The following HLCS variants were observed in gnomAD, a reference collection of about 807,000 sequenced individuals.
HLCS encodes the protein biotin--protein ligase.
In HLCS, 53 loss-of-function variants were observed where a neutral mutation model predicts 75.0. The ratio of observed to expected loss-of-function variants is 0.71; its 90% CI spans 0.57 to 0.89. The LOEUF is 0.89. HLCS is among the 40% of genes least tolerant of loss of function. The probability of loss-of-function intolerance (pLI) is 0.00; values close to 1 mark genes in which losing one functional copy is unlikely to be tolerated. For synonymous variants in HLCS, 431 were observed against 428.6 expected (o/e 1.01, Z -0.07); for missense variants, 966 against 1,074.0 (o/e 0.90, Z 1.41).
chr21:36,785,603 GATATACTACA>G (rs1569006024), intron 6 of HLCS, among the ~76,000 whole-genome samples: 1 of 152,132 alleles, frequency 6.6e-6, no homozygotes, highest in Non-Finnish European at 1.5e-5. Flanking sequence ...AGGTTTCCCA[GATATACTACA>G]ATATCATCCA....
chr21:36,942,864 A>G (rs1471509436), intron 2 of HLCS, among the ~76,000 whole-genome samples: 5 of 152,028 alleles, frequency 3.3e-5, no homozygotes, highest in Non-Finnish European at 7.4e-5. Context: ...CCGGAGGCAG[A>G]GCTTGCAGTG....
At chr21:36,825,767 A>G (rs1293741851) in intron 6 of HLCS, among the ~76,000 whole-genome samples, 1 of 152,198 alleles carries the variant, frequency 6.6e-6, no homozygotes, top group African/African-American at 2.4e-5. Context: ...CTGGGGATAC[A>G]GCTTCTAGAC....
At chr21:36,959,496 T>A (rs865911383) in intron 2 of HLCS, among the ~76,000 whole-genome samples, 5 of 151,934 alleles carry the variant, frequency 3.3e-5, no homozygotes, top group South Asian at 2.1e-4. Flanking sequence ...AAGGGGCGGG[T>A]CCCTGGTGAC....
chr21:36,923,702 A>G (rs11909766), intron 5 of HLCS, among the ~76,000 whole-genome samples: 17,603 of 152,272 alleles, frequency 0.12, 1,324 homozygotes, highest in Non-Finnish European at 0.17. Flanking sequence ...GTAGCTGAAA[A>G]GCCTTCTTCC....
intron 5 of HLCS, among the ~76,000 whole-genome samples, chr21:36,909,885 A>C (rs2065626367): frequency 6.6e-6 from 1 of 152,234 alleles, no homozygotes; most frequent in African/African-American, 2.4e-5. Context: ...AGAAACACCA[A>C]ATAATTGATC....
intron 6 of HLCS, among the ~76,000 whole-genome samples, chr21:36,808,890 A>G (rs1007046584): frequency 3.3e-5 from 5 of 152,060 alleles, no homozygotes; most frequent in African/African-American, 7.2e-5. Context: ...TTTCCCTTCA[A>G]TCTTAGAAGG....
intron 6 of HLCS, among the ~76,000 whole-genome samples, chr21:36,797,339 T>C (rs1049457865): frequency 6.6e-6 from 1 of 152,068 alleles, no homozygotes; most frequent in Non-Finnish European, 1.5e-5. Context: ...CACAGTTGTT[T>C]TAATAGCATT....
intron 2 of HLCS, among the ~76,000 whole-genome samples, chr21:36,952,400 A>G (rs1235354660): frequency 6.6e-6 from 1 of 152,210 alleles, no homozygotes; most frequent in Non-Finnish European, 1.5e-5. Flanking sequence ...TCCTGGTTGC[A>G]AGACCCACTG....
At chr21:36,805,542 C>T (rs1176833179) in intron 6 of HLCS, among the ~76,000 whole-genome samples, 2 of 152,238 alleles carry the variant, frequency 1.3e-5, no homozygotes, top group African/African-American at 4.8e-5. Context: ...ACCTTCTGCA[C>T]TTGTTCATGA....
rs112090090 is a variant in HLCS at position 36,942,512 on chromosome 21, C to T, written c.331-3518G>A. ...TGGATCAAAGACCTCAATATAAGAG[C>T]TAAAACTACAAAATTCAGAGAAGGA... On this transcript the variant is annotated intron_variant, in intron 2 of 10. Transcript: ENST00000674895. Among the ~76,000 whole-genome samples, 288 of 151,218 alleles carry T rather than the reference C, an allele frequency of 1.9e-3. 3 individuals carry two copies. The highest frequency in any genetic ancestry group is 6.8e-3 in the African/African-American group (278 of 41,158).
Position 36,750,521 on chromosome 21 carries a change from G to A in HLCS, c.*3725C>T, listed in dbSNP as rs1306920200. Among the ~76,000 whole-genome samples, 1 of 152,126 alleles carries A rather than the reference G, an allele frequency of 6.6e-6. No individual in the cohort carries two copies. The highest frequency in any genetic ancestry group is 2.4e-5 in the African/African-American group (1 of 41,410). On this transcript the variant is annotated 3_prime_UTR_variant, in exon 11 of 11. Coordinates refer to ENST00000674895, the MANE Select transcript of HLCS (RefSeq NM_001352514.2). ...TCCTTTTAAAAGTCCTATCAGCCCT[G>A]CCTTCGTCCCTTCCGCCCTAAGCCC...
intron 6 of HLCS, among the ~76,000 whole-genome samples, chr21:36,806,939 T>A (rs2061378496): frequency 6.6e-6 from 1 of 152,202 alleles, no homozygotes; most frequent in Admixed American, 6.5e-5. Context: ...GCCTCCACTT[T>A]GTCCCTTCCC....
intron 6 of HLCS, among the ~76,000 whole-genome samples, chr21:36,860,286 G>T (rs2063338645): frequency 6.6e-6 from 1 of 151,736 alleles, no homozygotes. Flanking sequence ...GGCGGGGCGG[G>T]ACTCAAGCCA....
chr21:36,970,950 C>T (rs145868887), upstream of HLCS, among the ~76,000 whole-genome samples: 1,000 of 150,126 alleles, frequency 6.7e-3, 28 homozygotes, highest in Admixed American at 0.048. Context: ...GCCAAGATTG[C>T]GCCACTGCAC....
intron 2 of HLCS, among the ~76,000 whole-genome samples, chr21:36,949,451 C>G (rs1438010105): frequency 6.6e-6 from 1 of 152,206 alleles, no homozygotes; most frequent in Non-Finnish European, 1.5e-5. Context: ...AGTATGGGAG[C>G]TGGACTCCCA....
chr21:36,968,677 A>G (rs562539836), upstream of HLCS: 4 of 152,290 alleles, frequency 2.6e-5, no homozygotes, highest in South Asian at 8.3e-4. Context: ...ACAGGACTAC[A>G]AGTCAGGAAT....
At chr21:36,807,694 G>A (rs577665410) in intron 6 of HLCS, among the ~76,000 whole-genome samples, 7 of 152,242 alleles carry the variant, frequency 4.6e-5, no homozygotes, top group African/African-American at 9.6e-5. Flanking sequence ...GTTCATCACC[G>A]CGTTTCATCC....
intron 2 of HLCS, chr21:36,947,267 A>G: frequency 3.9e-6 from 3 of 764,106 alleles, no homozygotes; most frequent in Non-Finnish European, 4.8e-6. Context: ...AAGGACCGGA[A>G]GAGCCCAAAG....
At chr21:36,871,750 A>G (rs914954128) in intron 6 of HLCS, among the ~76,000 whole-genome samples, 2 of 152,230 alleles carry the variant, frequency 1.3e-5, no homozygotes, top group African/African-American at 2.4e-5. Context: ...AAGGACTGGT[A>G]TCTGAGATAT....
Sources: allele counts gnomAD v4.1 joint callset (sites outside exome capture counted in the v4.1 genomes callset), GRCh38; gene constraint gnomAD v4.1.1; transcripts MANE v1.5; gene names NCBI Gene and HGNC (gene_info 2026-07-23, HGNC 2026-07-21).